Variants in TINAG observed in about 807,000 individuals in gnomAD.
TINAG encodes tubulointerstitial nephritis antigen.
A neutral mutation model predicts 72.7 loss-of-function variants in TINAG; 83 were observed. The observed-to-expected ratio is 1.14, with a 90% CI of 0.96 to 1.37. TINAG has a LOEUF of 1.37. Ranked by LOEUF, TINAG falls within the 40% of genes most tolerant of loss-of-function variation. The pLI is 0.00. For synonymous variants in TINAG, 234 were observed against 189.9 expected (o/e 1.23, Z -1.91); for missense variants, 685 against 576.6 (o/e 1.19, Z -1.93).
intron 9 of TINAG, among the ~76,000 whole-genome samples, chr6:54,356,480 T>C (rs1043352208): frequency 3.3e-5 from 5 of 151,938 alleles, no homozygotes; most frequent in African/African-American, 1.2e-4. Context: ...GAGGTTGCAG[T>C]GAGCTTAAAT....
chr6:54,334,079 T>C (rs577871643), intron 4 of TINAG, among the ~76,000 whole-genome samples: 1 of 152,348 alleles, frequency 6.6e-6, no homozygotes, highest in Admixed American at 6.5e-5. Context: ...CAAAGAAGTT[T>C]CTACCTCTCT....
intron 4 of TINAG, among the ~76,000 whole-genome samples, chr6:54,337,490 G>A (rs185703094): frequency 2.0e-5 from 3 of 152,118 alleles, no homozygotes; most frequent in African/African-American, 7.2e-5. Flanking sequence ...CTGCCCTCAG[G>A]TGATCCGCCC....
intron 3 of TINAG, among the ~76,000 whole-genome samples, chr6:54,322,710 C>T (rs1188570430): frequency 6.6e-6 from 1 of 152,236 alleles, no homozygotes; most frequent in Non-Finnish European, 1.5e-5. Context: ...TATCCTTAAA[C>T]CATTCTCAGT....
intron 7 of TINAG, among the ~76,000 whole-genome samples, 184 bp from the exon 8 acceptor site, chr6:54,351,168 T>C (rs1278544852): frequency 6.6e-6 from 1 of 152,060 alleles, no homozygotes; most frequent in Non-Finnish European, 1.5e-5. Flanking sequence ...TATTTAGTGA[T>C]AAATGTCATT....
At position 54,372,727 on chromosome 6, in the gene TINAG, C is replaced by CATACAT. The variant is rs1554209119; in HGVS notation, c.1251-7796_1251-7795insCATATA. Among the ~76,000 whole-genome samples, 65 of 133,912 alleles carry CATACAT rather than the reference C, an allele frequency of 4.9e-4. No homozygotes were observed. The Admixed American group carries it at 5.1e-3, about 10-fold the overall frequency. 87.9% of individuals were successfully genotyped at this position (133,912 alleles called of 152,430 possible). On this transcript the variant is annotated intron_variant, in intron 9 of 10. Coordinates refer to ENST00000259782, the MANE Select transcript of TINAG (RefSeq NM_014464.4). ...TCCAAGAATATTATATAAATACATACATATATATATATATATATATATATA... is the reference window on the plus strand; with the variant it reads ...TCCAAGAATATTATATAAATACATACATACATATATATATATATATATATATATATA...
At chr6:54,383,129 C>T (rs1455912526) in intron 10 of TINAG, among the ~76,000 whole-genome samples, 1 of 152,042 alleles carries the variant, frequency 6.6e-6, no homozygotes, top group Non-Finnish European at 1.5e-5. Flanking sequence ...CCCTTCAGAT[C>T]AGATCATTAA....
At chr6:54,315,693 T>TAA (rs5876378) in intron 1 of TINAG, among the ~76,000 whole-genome samples, 1 of 150,748 alleles carries the variant, frequency 6.6e-6, no homozygotes, top group South Asian at 2.1e-4. Context: ...AAAAAAAAAG[T>TAA]AAAAAAATTC....
At chr6:54,376,765 ACTTT>A (rs1763795117) in intron 9 of TINAG, among the ~76,000 whole-genome samples, 3 of 152,170 alleles carry the variant, frequency 2.0e-5, no homozygotes, top group African/African-American at 7.2e-5. Flanking sequence ...CTCTGCAGGA[ACTTT>A]ATGGTCTTTC....
chr6:54,381,249 C>T (rs1308792782), intron 10 of TINAG, among the ~76,000 whole-genome samples: 1 of 150,136 alleles, frequency 6.7e-6, no homozygotes, highest in Non-Finnish European at 1.5e-5. Flanking sequence ...CTCAAAATAA[C>T]AGAAAGTTTC....
chr6:54,368,608 A>G (rs971092018), intron 9 of TINAG, among the ~76,000 whole-genome samples: 1 of 151,372 alleles, frequency 6.6e-6, no homozygotes, highest in Non-Finnish European at 1.5e-5. Context: ...TGTCTTGTTC[A>G]ACATGCTCAC....
intron 10 of TINAG, among the ~76,000 whole-genome samples, chr6:54,389,397 A>G (rs754055618): frequency 6.6e-6 from 1 of 152,290 alleles, no homozygotes; most frequent in Non-Finnish European, 1.5e-5. Context: ...GTCATTCTTC[A>G]TTAGATTATA....
chr6:54,340,799 G>A (rs1056230834), intron 4 of TINAG, among the ~76,000 whole-genome samples: 1 of 152,018 alleles, frequency 6.6e-6, no homozygotes, highest in East Asian at 1.9e-4. Flanking sequence ...GTCTTATTGA[G>A]ACGGATTCAC....
intron 8 of TINAG, among the ~76,000 whole-genome samples, chr6:54,353,977 A>T (rs1041277339): frequency 6.6e-6 from 1 of 151,904 alleles, no homozygotes; most frequent in Non-Finnish European, 1.5e-5. Context: ...TAAAGTGTAC[A>T]ACATTGCTTA....
At chr6:54,337,026 A>T (rs1372397077) in intron 4 of TINAG, among the ~76,000 whole-genome samples, 1 of 151,964 alleles carries the variant, frequency 6.6e-6, no homozygotes, top group Non-Finnish European at 1.5e-5. Flanking sequence ...TTTATAATAA[A>T]AAATCTTTTA....
At chr6:54,347,995 G>C (rs1376237242) in intron 6 of TINAG, among the ~76,000 whole-genome samples, 2 of 152,068 alleles carry the variant, frequency 1.3e-5, no homozygotes, top group Non-Finnish European at 2.9e-5. Context: ...CACTCCATTT[G>C]ATGAAAAATG....
At chr6:54,370,098 C>G (rs1433132953) in intron 9 of TINAG, 1 of 151,878 alleles carries the variant, frequency 6.6e-6, no homozygotes, top group African/African-American at 2.4e-5. Flanking sequence ...AAAACCAGGA[C>G]TAAAAAAATG....
At chr6:54,324,222 A>T (rs1784555209) in intron 3 of TINAG, among the ~76,000 whole-genome samples, 1 of 152,202 alleles carries the variant, frequency 6.6e-6, no homozygotes, top group Admixed American at 6.5e-5. Context: ...GCAATTTGGA[A>T]TAGGTTCAAC....
intron 9 of TINAG, among the ~76,000 whole-genome samples, chr6:54,375,617 T>TTGTTCCCTCTCA (rs1387420502): frequency 1.3e-5 from 2 of 152,190 alleles, no homozygotes; most frequent in Non-Finnish European, 2.9e-5. Context: ...TTCCCTCTCA[T>TTGTTCCCTCTCA]TTATTCCCTC....
chr6:54,374,470 T>G (rs976225921), intron 9 of TINAG, among the ~76,000 whole-genome samples: 1 of 152,134 alleles, frequency 6.6e-6, no homozygotes, highest in African/African-American at 2.4e-5. Context: ...CCATCTTTGA[T>G]CTAGCATTAA....
Sources: allele counts gnomAD v4.1 joint callset (sites outside exome capture counted in the v4.1 genomes callset), GRCh38; gene constraint gnomAD v4.1.1; transcripts MANE v1.5; gene names NCBI Gene and HGNC (gene_info 2026-07-23, HGNC 2026-07-21).